Variants in CBS observed in about 807,000 individuals in gnomAD.
CBS encodes cystathionine beta-synthase.
For missense variants in CBS, 27 were observed against 124.8 expected (o/e 0.22, Z 3.73); for synonymous variants, 23 against 52.2 (o/e 0.44, Z 2.41).
chr21:43,066,439 C>CA (rs1982778712), intron 4 of CBS, 62 bp from the exon 5 acceptor site: 1 of 507,322 alleles, frequency 2.0e-6, no homozygotes. Flanking sequence ...GATTCCTGCT[C>CA]ACCCCCCCAT....
At chr21:43,068,713 G>GAAAAAA (rs56903378) in intron 3 of CBS, 98 bp from the exon 4 acceptor site, 2 of 6,092 alleles carry the variant, frequency 3.3e-4, no homozygotes, top group Non-Finnish European at 7.6e-4. Context: ...CGAAGAACTG[G>GAAAAAA]AAAAAAAAAA....
At chr21:43,055,890 C>CT (rs750570864) in intron 16 of CBS, 1,075 of 69,380 alleles carry the variant, frequency 0.015, no homozygotes, top group South Asian at 0.053. Context: ...GAATTTGCAT[C>CT]TTTTTTTTTT....
At chr21:43,066,166 C>T (rs1460775477) in intron 5 of CBS, 77 bp downstream of exon 5, 2 of 1,189,756 alleles carry the variant, frequency 1.7e-6, no homozygotes, top group Admixed American at 3.6e-5. Flanking sequence ...GCTCAGCCAT[C>T]CCCCCCGGGT....
chr21:43,066,894 C>T lies in CBS; in HGVS notation c.317-517G>A, dbSNP rs888100500. Among the ~76,000 whole-genome samples the T allele has an allele frequency of 1.5e-5, 2 of 130,772 alleles. 1 individual carries two copies. Among genetic ancestry groups the T allele is most frequent in the South Asian group, 4.7e-4 (2 of 4,262 alleles). The allele number at this position is 130,772 out of a possible 152,430, so 85.8% of individuals were successfully genotyped here. On this transcript the variant is annotated intron_variant, in intron 4 of 16. Coordinates refer to ENST00000398165, the MANE Select transcript of CBS (RefSeq NM_000071.3). ...CACCTGCCCGGGGAAGGGCTCCCTG[C>T]GCGGTTCCCGCACAAGGCCAAGGCC...
rs1425309126 is a variant in CBS at position 43,065,207 on chromosome 21, A to G, written c.732T>C (p.Cys244=). Residue 244 remains cysteine (C), a synonymous_variant, in exon 8 of 17, where the codon TGT becomes TGC. Coordinates refer to ENST00000398165, the MANE Select transcript of CBS (RefSeq NM_000071.3). ...DTTADEILQQ[C]DGKLDMLVAS... The stretch of plus-strand genomic sequence containing the variant: ...AAGATGGACAGAGGGACGCACCATC[A>G]CACTGCTGCAGGATCTCATCAGCGG... The G allele has an allele frequency of 7.2e-7, 1 of 1,380,402 alleles. No individual in the cohort carries two copies. The highest frequency in any genetic ancestry group is 1.0e-6 in the Non-Finnish European group (1 of 986,978). The allele number at this position is 1,380,402 out of a possible 1,614,324, so 85.5% of individuals were successfully genotyped here. A position where few individuals can be genotyped will look rare whatever the true frequency, so the allele number is the denominator to read the frequency against.
In CBS at chr21:43,067,082, G is replaced by A. The variant is rs1601369659; in HGVS notation, c.317-705C>T. On this transcript the variant is annotated intron_variant, in intron 4 of 16. Transcript: ENST00000398165. ...ATTTCTGAAAGCAACCACCAGACAG[G>A]TGTTGCCCCTAGAACCAGGACGAGG... Among the ~76,000 whole-genome samples, 2 of 119,772 alleles carry A rather than the reference G, an allele frequency of 1.7e-5. 1 individual carries two copies. The highest frequency in any genetic ancestry group is 3.7e-5 in the Non-Finnish European group (2 of 54,352). 78.6% of individuals were successfully genotyped at this position (119,772 alleles called of 152,430 possible). A position where few individuals can be genotyped will look rare whatever the true frequency, so the allele number is the denominator to read the frequency against.
Position 43,066,352 on chromosome 21 carries a change from C to T in CBS, c.342G>A (p.Ala114=), listed in dbSNP as rs145338910. Residue 114 remains alanine, a synonymous_variant, in exon 5 of 17, where the codon GCG becomes GCA. Coordinates refer to ENST00000398165, the MANE Select transcript of CBS (RefSeq NM_000071.3). Reference sequence around the variant, plus strand: ...TGATGCGGTCCTTCACGCTCCCGCCCGCGTTGAAGAACTCACACTTGGCCA... The same window carrying T: ...TGATGCGGTCCTTCACGCTCCCGCCTGCGTTGAAGAACTCACACTTGGCCA... ...ELLAKCEFFN[A]GGSVKDRISL... is the part of the protein sequence containing the mutation. The T allele has an allele frequency of 3.2e-5, 26 of 815,450 alleles. 2 individuals are homozygous for T. The highest frequency in any genetic ancestry group is 1.0e-4 in the East Asian group (4 of 38,686). The allele number at this position is 815,450 out of a possible 1,614,324, so 50.5% of individuals were successfully genotyped here. A position where few individuals can be genotyped will look rare whatever the true frequency, so the allele number is the denominator to read the frequency against.
In CBS at chr21:43,065,537, C is replaced by T. The variant is rs373834235; in HGVS notation, c.532-16G>A. The T allele has an allele frequency of 1.3e-5, 5 of 398,892 alleles. 1 individual carries two copies. Among genetic ancestry groups the T allele is most frequent in the African/African-American group, 1.4e-4 (2 of 14,390 alleles). 24.7% of individuals were successfully genotyped at this position (398,892 alleles called of 1,614,324 possible). On this transcript the variant is annotated splice_polypyrimidine_tract_variant and intron_variant, in intron 6 of 16. Coordinates refer to ENST00000398165, the MANE Select transcript of CBS (RefSeq NM_000071.3). Reference sequence around the variant, plus strand: ...GCACGTCCACCTGCAGGAGGGAAAGCGGTGGCCTGCACCTTCCGCCTGGCC... The same window carrying T: ...GCACGTCCACCTGCAGGAGGGAAAGTGGTGGCCTGCACCTTCCGCCTGGCC...
At chr21:43,069,959 GC>G (rs1983258535) in intron 3 of CBS, among the ~76,000 whole-genome samples, 1 of 13,796 alleles carries the variant, frequency 7.2e-5, no homozygotes, top group South Asian at 5.7e-3. Flanking sequence ...TCAGCACTGG[GC>G]CTCGGTGGCT....
In CBS at chr21:43,063,663, G is replaced by A. The variant is rs1788466; in HGVS notation, c.828+237C>T. Among the ~76,000 whole-genome samples, 27,344 of 127,934 alleles carry A rather than the reference G, an allele frequency of 0.21. 7,279 individuals are homozygous for A. The highest frequency in any genetic ancestry group is 0.27 in the South Asian group (1,073 of 3,958). The allele number at this position is 127,934 out of a possible 152,430, so 83.9% of individuals were successfully genotyped here. On this transcript the variant is annotated intron_variant, in intron 9 of 16. Coordinates refer to ENST00000398165, the MANE Select transcript of CBS (RefSeq NM_000071.3). ...TTGGAACTCCGACCCCCCACTCAGC[G>A]CAGGAAGGTTCTCCAAGACACTGGC... is the stretch of plus-strand genomic sequence containing the variant.
chr21:43,067,766 C>T, intron 4 of CBS: 1 of 388,170 alleles, frequency 2.6e-6, no homozygotes, highest in Non-Finnish European at 5.2e-6. Flanking sequence ...TCCTGCCTCC[C>T]TCCGAACTCA....
chr21:43,068,559 A>T lies in CBS; in HGVS notation c.266T>A (p.Met89Lys), dbSNP rs772450760. ...DILKKIGDTP[M>K]VRINKIGKKF... ...CTTCCCAATCTTGTTGATTCTGACC[A>T]TAGGGGTGTCCCCGATTTTCTTCAG... Residue 89 changes from methionine (M) to lysine (K), a missense_variant, in exon 4 of 17, where the codon ATG becomes AAG. Physicochemically the swap from Met to Lys is moderately conservative, Grantham distance 95. Coordinates refer to ENST00000398165, the MANE Select transcript of CBS (RefSeq NM_000071.3). 3 of 414,994 alleles carry T rather than the reference A, an allele frequency of 7.2e-6. No homozygotes were observed. Among genetic ancestry groups the T allele is most frequent in the Non-Finnish European group, 1.3e-5 (3 of 229,816 alleles). 25.7% of individuals were successfully genotyped at this position (414,994 alleles called of 1,614,324 possible).
intron 15 of CBS, among the ~76,000 whole-genome samples, chr21:43,057,360 C>G (rs1360622146): frequency 7.9e-6 from 1 of 126,488 alleles, no homozygotes; most frequent in Admixed American, 7.5e-5. Context: ...CCGGGACAGC[C>G]TCTGAGCGCG....
chr21:43,068,962 G>A (rs1983182043), intron 3 of CBS, among the ~76,000 whole-genome samples: 1 of 2,468 alleles, frequency 4.1e-4, no homozygotes. Context: ...CTGGGAGAAG[G>A]GTACAAAGGA....
intron 4 of CBS, among the ~76,000 whole-genome samples, chr21:43,067,164 C>T (rs151231071): frequency 1.3e-5 from 1 of 76,592 alleles, no homozygotes; most frequent in East Asian, 2.6e-4. Context: ...CCTGCATTCT[C>T]GGACCCCTCT....
rs375730175 is a variant in CBS at position 43,065,254 on chromosome 21, G to T, written c.685C>A (p.Pro229Thr). 1 of 1,417,098 alleles carries T rather than the reference G, an allele frequency of 7.1e-7. No individual in the cohort carries two copies. The highest frequency in any genetic ancestry group is 9.8e-7 in the Non-Finnish European group (1 of 1,019,584). The allele number at this position is 1,417,098 out of a possible 1,614,324, so 87.8% of individuals were successfully genotyped here. A position where few individuals can be genotyped will look rare whatever the true frequency, so the allele number is the denominator to read the frequency against. Residue 229 changes from proline (P) to threonine (T), a missense_variant, in exon 8 of 17, where the codon CCC becomes ACC. Physicochemically the swap from Pro to Thr is conservative, Grantham distance 38. Coordinates refer to ENST00000398165, the MANE Select transcript of CBS (RefSeq NM_000071.3). ...ILDQYRNASN[P>T]LAHYDTTADE... ...GCGGTGGTGTCGTAGTGAGCCAGGG[G>T]GTTGCTGGCGTTGCGGTACTGCATA...
intron 4 of CBS, 118 bp from the exon 5 acceptor site, chr21:43,066,495 G>A (rs932030486): frequency 2.5e-6 from 1 of 400,830 alleles, no homozygotes; most frequent in East Asian, 3.3e-5. Flanking sequence ...GGGTCTGTGG[G>A]TTCTGAAAAA....
intron 5 of CBS, 141 bp downstream of exon 5, chr21:43,066,102 G>C (rs2298761): frequency 1.8e-6 from 1 of 564,992 alleles, no homozygotes; most frequent in Admixed American, 2.6e-5. Context: ...GGCCGGCAGC[G>C]GGTGCAAGAT....
rs73372393 is a variant in CBS, at chr21:43,068,379, C to T, written c.316+130G>A. 8.6e-3 allele frequency: 2,176 copies of T among 252,222 alleles called. 143 individuals carry two copies. The highest frequency in any genetic ancestry group is 0.07 in the African/African-American group (1,986 of 28,356). 15.6% of individuals were successfully genotyped at this position (252,222 alleles called of 1,614,324 possible). A position where few individuals can be genotyped will look rare whatever the true frequency, so the allele number is the denominator to read the frequency against. On this transcript the variant is annotated intron_variant, in intron 4 of 16. Transcript: ENST00000398165. ...TTAAGCTGATATGTTCTTGGCCACTCATTAACCAGCGAGTTTTCTGATCCC... is the reference window on the plus strand; with the variant it reads ...TTAAGCTGATATGTTCTTGGCCACTTATTAACCAGCGAGTTTTCTGATCCC...
Sources: gnomAD v4.1 joint callset for allele counts (sites outside exome capture counted in the v4.1 genomes callset) on GRCh38, gnomAD v4.1.1 for gene constraint, MANE v1.5 for transcripts, NCBI Gene and HGNC (gene_info 2026-07-23, HGNC 2026-07-21) for gene names.